Variants in PDZD8 observed in about 807,000 individuals in gnomAD.
PDZD8 encodes PDZ domain containing 8, also known as PDZ domain-containing protein 8.
In PDZD8, 14 loss-of-function variants were observed where a neutral mutation model predicts 85.8. The ratio of observed to expected loss-of-function variants is 0.16; its 90% confidence interval spans 0.11 to 0.26. The LOEUF is 0.26. PDZD8 is among the 10% of genes least tolerant of loss of function. The pLI, the probability that PDZD8 is intolerant of heterozygous loss-of-function variation, is 1.00. For missense variants in PDZD8, 1,197 were observed against 1,424.3 expected, an observed-to-expected ratio of 0.84 and a Z score of 2.57; for synonymous variants, 592 against 568.6, an observed-to-expected ratio of 1.04 and a Z score of -0.59.
intron 2 of PDZD8, among the ~76,000 whole-genome samples, chr10:117,333,125 A>AACAAAAAC (rs1300095435): frequency 2.1e-5 from 3 of 144,730 alleles, no homozygotes; most frequent in African/African-American, 5.1e-5. Context: ...CTCAAAAAAA[A>AACAAAAAC]AAAAAAAAAA....
At chr10:117,369,527 A>G (rs1845153460) in intron 1 of PDZD8, among the ~76,000 whole-genome samples, 1 of 152,164 alleles carries the variant, frequency 6.6e-6, no homozygotes, top group South Asian at 2.1e-4. Context: ...AAAGAAGGAT[A>G]AAAATGATCA....
chr10:117,341,785 G>A (rs1411887004), intron 1 of PDZD8, among the ~76,000 whole-genome samples: 1 of 152,194 alleles, frequency 6.6e-6, no homozygotes. Flanking sequence ...TGGAACCCAT[G>A]GATGTGGAGC....
intron 1 of PDZD8, among the ~76,000 whole-genome samples, chr10:117,347,232 A>G (rs1844724850): frequency 6.6e-6 from 1 of 152,156 alleles, no homozygotes; most frequent in South Asian, 2.1e-4. Context: ...GTCTGATAAG[A>G]AACGTTTTAC....
Position 117,374,576 on chromosome 10 carries a change from A to C in PDZD8, c.652T>G (p.Leu218Val). ...VDLVFGKSAY[L>V]FVKLSRVVGR... ...ACCACGCGGGACAGCTTGACAAACA[A>C]GTAGGCGGACTTGCCGAAGACCAGG... Residue 218 changes from leucine to valine, a missense_variant, in exon 1 of 5, where the codon TTG becomes GTG. Physicochemically the swap from Leu to Val is conservative, Grantham distance 32. Transcript: ENST00000334464. This position sits in a 1 kb window ranked among gnomAD's most constrained non-coding sequence, Gnocchi z 7.8. The C allele has an allele frequency of 6.3e-7, 1 of 1,597,036 alleles. No individual in the cohort carries two copies. The highest frequency in any genetic ancestry group is 8.5e-7 in the Non-Finnish European group (1 of 1,171,452).
At chr10:117,343,948 C>G (rs1053685341) in intron 1 of PDZD8, among the ~76,000 whole-genome samples, 1 of 152,158 alleles carries the variant, frequency 6.6e-6, no homozygotes. Flanking sequence ...AACAATGAAG[C>G]GGGCTACCTC....
intron 3 of PDZD8, among the ~76,000 whole-genome samples, chr10:117,317,297 C>T (rs773154734): frequency 1.4e-4 from 22 of 152,216 alleles, no homozygotes; most frequent in Admixed American, 2.0e-4. Flanking sequence ...ATTTTCTACC[C>T]ATATTTGTAA....
At chr10:117,290,864 CTTTT>C (rs145614241) in intron 3 of PDZD8, among the ~76,000 whole-genome samples, 4 of 123,566 alleles carry the variant, frequency 3.2e-5, no homozygotes, top group African/African-American at 1.0e-4. Context: ...ATGGTGTATC[CTTTT>C]TTTTTTTTTT....
chr10:117,357,028 A>C (rs1048812619), intron 1 of PDZD8, among the ~76,000 whole-genome samples: 1 of 152,262 alleles, frequency 6.6e-6, no homozygotes, highest in African/African-American at 2.4e-5. Flanking sequence ...TAAGAAAAGA[A>C]TGCATTCAAG....
At chr10:117,288,353 C>A (rs1844701927) in intron 4 of PDZD8, among the ~76,000 whole-genome samples, 1 of 74,218 alleles carries the variant, frequency 1.3e-5, no homozygotes, top group South Asian at 4.4e-4. Context: ...GTTTCCTAAA[C>A]AAAAATTGGG....
In PDZD8 at chr10:117,279,880, T is replaced by C. The variant is rs759213839; in HGVS notation, c.*3388A>G. ...AAGCGGATCTATGGCCCAAAAGGAA[T>C]TAGGGGAACCTCTCCTTCTTTTGGT... On this transcript the variant is annotated 3_prime_UTR_variant, in exon 5 of 5. Transcript: ENST00000334464. 6.6e-6 allele frequency: 1 copy of C among 152,208 alleles called. No individual in the cohort carries two copies. The highest frequency in any genetic ancestry group is 1.5e-5 in the Non-Finnish European group (1 of 68,030). 9.4% of individuals were successfully genotyped at this position (152,208 alleles called of 1,614,324 possible).
intron 3 of PDZD8, among the ~76,000 whole-genome samples, chr10:117,298,850 G>GT (rs972347688): frequency 6.6e-6 from 1 of 152,126 alleles, no homozygotes; most frequent in Non-Finnish European, 1.5e-5. Context: ...TTTCTTGAAA[G>GT]TTTTTTTTCT....
At chr10:117,293,621 C>CT (rs1483751266) in intron 3 of PDZD8, among the ~76,000 whole-genome samples, 5 of 152,160 alleles carry the variant, frequency 3.3e-5, no homozygotes, top group South Asian at 2.1e-4. Flanking sequence ...AAAGCTGCTG[C>CT]TAGAGGTATA....
At chr10:117,317,458 T>C (rs1414987632) in intron 3 of PDZD8, among the ~76,000 whole-genome samples, 1 of 152,178 alleles carries the variant, frequency 6.6e-6, no homozygotes, top group Non-Finnish European at 1.5e-5. Context: ...ATTAATAACC[T>C]AGAATTCTTT....
At chr10:117,331,202 G>T (rs1239790552) in intron 2 of PDZD8, among the ~76,000 whole-genome samples, 2 of 152,200 alleles carry the variant, frequency 1.3e-5, no homozygotes, top group African/African-American at 4.8e-5. Flanking sequence ...ATGTTGGAAA[G>T]ACTGGTGGTA....
At chr10:117,294,327 C>CAAAAAAAAAAAAAAAAAAAAA (rs71013656) in intron 3 of PDZD8, among the ~76,000 whole-genome samples, 1 of 142,548 alleles carries the variant, frequency 7.0e-6, no homozygotes. Flanking sequence ...ACCAAAAAGA[C>CAAAAAAAAAAAAAAAAAAAAA]AAAAAAAAAA....
chr10:117,328,055 T>A (rs1844347012), intron 2 of PDZD8, among the ~76,000 whole-genome samples: 1 of 152,244 alleles, frequency 6.6e-6, no homozygotes, highest in Non-Finnish European at 1.5e-5. Context: ...TTTAAGGATT[T>A]GTTTTGCTCC....
chr10:117,364,195 TGTGTGTGTGTGTGA>T (rs905607885), intron 1 of PDZD8, among the ~76,000 whole-genome samples: 6 of 151,742 alleles, frequency 4.0e-5, no homozygotes, highest in Admixed American at 3.9e-4. Flanking sequence ...TGTGTGTGTG[TGTGTGTGTGTGTGA>T]GAGTGTGTGT....
At chr10:117,317,402 T>C (rs1229295165) in intron 3 of PDZD8, among the ~76,000 whole-genome samples, 1 of 102,792 alleles carries the variant, frequency 9.7e-6, no homozygotes, top group Non-Finnish European at 2.3e-5. Context: ...ACATTCGTAA[T>C]TTAATGCCTG....
intron 3 of PDZD8, among the ~76,000 whole-genome samples, chr10:117,304,129 G>T (rs1390865358): frequency 1.3e-5 from 2 of 152,172 alleles, no homozygotes; most frequent in Non-Finnish European, 2.9e-5. Context: ...AGCTGTGAGG[G>T]AGATTGTACC....
Sources: allele counts gnomAD v4.1 joint callset (sites outside exome capture counted in the v4.1 genomes callset), GRCh38; gene constraint gnomAD v4.1.1; non-coding constraint Gnocchi (gnomAD v3.1); transcripts MANE v1.5; gene names NCBI Gene and HGNC (gene_info 2026-07-23, HGNC 2026-07-21).